PTCHD4: variants seen among roughly 807,000 people sequenced by gnomAD.
PTCHD4 encodes patched domain-containing protein 4.
A neutral mutation model predicts 58.1 loss-of-function variants in PTCHD4; 33 were observed. The observed-to-expected ratio is 0.57, with a 90% CI of 0.43 to 0.76. The LOEUF (loss-of-function observed/expected upper bound fraction) is 0.76, where lower values mean the gene tolerates loss of function less well. PTCHD4 is among the 30% of genes least tolerant of loss of function. The pLI is 0.00. For synonymous variants in PTCHD4, 478 were observed against 409.6 expected (o/e 1.17, Z -2.02); for missense variants, 1,058 against 1,027.1 (o/e 1.03, Z -0.41).
chr6:47,990,591 C>A (rs1340172646), intron 4 of PTCHD4, among the ~76,000 whole-genome samples: 4 of 152,078 alleles, frequency 2.6e-5, no homozygotes, highest in African/African-American at 9.7e-5. Context: ...CTCTTGCCAC[C>A]ACCATATAAG....
chr6:47,965,704 G>A (rs567229971), intron 4 of PTCHD4, among the ~76,000 whole-genome samples: 2 of 152,242 alleles, frequency 1.3e-5, no homozygotes, highest in East Asian at 1.9e-4. Flanking sequence ...CAAGGAGGGC[G>A]GATCACGAGG....
chr6:48,082,828 G>A (rs1371615072), intron 1 of PTCHD4, among the ~76,000 whole-genome samples: 2 of 151,786 alleles, frequency 1.3e-5, no homozygotes, highest in African/African-American at 2.4e-5. Flanking sequence ...TGTATATAAC[G>A]AATGGTATAC....
chr6:47,883,246 A>C (rs974456622), intron 4 of PTCHD4, among the ~76,000 whole-genome samples: 1 of 152,120 alleles, frequency 6.6e-6, no homozygotes, highest in Non-Finnish European at 1.5e-5. Context: ...TCACTTAAGT[A>C]ATTCTGAGAC....
rs1237551146 is a variant in PTCHD4 at position 47,868,211 on chromosome 6, C to T, written c.*10092G>A. ...TTACCTTTTTTTTTAAAAAAACACCCTTGTCCTTAATTTTTCTTTATGTTG... is the reference window on the plus strand; with the variant it reads ...TTACCTTTTTTTTTAAAAAAACACCTTTGTCCTTAATTTTTCTTTATGTTG... On this transcript the variant is annotated 3_prime_UTR_variant, in exon 5 of 5. Transcript: ENST00000339488. Among the ~76,000 whole-genome samples the T allele has an allele frequency of 6.6e-6, 1 of 151,430 alleles. No individual in the cohort carries two copies. The highest frequency in any genetic ancestry group is 2.0e-4 in the East Asian group (1 of 5,120).
chr6:48,079,161 T>C (rs1468214230), intron 1 of PTCHD4, among the ~76,000 whole-genome samples: 2 of 151,486 alleles, frequency 1.3e-5, no homozygotes, highest in African/African-American at 4.9e-5. Flanking sequence ...CCCAAAAGTG[T>C]ATGCTTACAT....
At chr6:48,058,416 G>A (rs1054205485) in intron 3 of PTCHD4, among the ~76,000 whole-genome samples, 2 of 152,192 alleles carry the variant, frequency 1.3e-5, no homozygotes, top group Admixed American at 6.5e-5. Context: ...TTGACTGAGT[G>A]GGGGAAACTT....
chr6:47,862,591 C>G lies in PTCHD4; in HGVS notation c.*15712G>C, dbSNP rs1347758113. On this transcript the variant is annotated 3_prime_UTR_variant, in exon 5 of 5. Coordinates refer to ENST00000339488, the MANE Select transcript of PTCHD4 (RefSeq NM_001384253.1). ...TTTCCATTTGCTTACTTCTCATTCC[C>G]TGAAATTGTACTGGGACAGAAGGGA... Among the ~76,000 whole-genome samples the G allele has an allele frequency of 2.6e-5, 4 of 151,612 alleles. No individual in the cohort carries two copies. Among genetic ancestry groups the G allele is most frequent in the African/African-American group, 9.7e-5 (4 of 41,332 alleles).
chr6:47,986,483 C>T (rs1052066592), intron 4 of PTCHD4, among the ~76,000 whole-genome samples: 9 of 152,236 alleles, frequency 5.9e-5, no homozygotes, highest in East Asian at 1.9e-4. Flanking sequence ...TATTCTCCAG[C>T]GTACAAATCC....
intron 4 of PTCHD4, among the ~76,000 whole-genome samples, chr6:47,937,641 GTACCT>G (rs1766052246): frequency 6.6e-6 from 1 of 152,170 alleles, no homozygotes; most frequent in African/African-American, 2.4e-5. Context: ...GGCTGGAGGT[GTACCT>G]TTGGAGTTGT....
intron 4 of PTCHD4, among the ~76,000 whole-genome samples, chr6:47,991,625 T>TA (rs561226972): frequency 2.0e-4 from 30 of 148,990 alleles, no homozygotes; most frequent in East Asian, 5.9e-4. Context: ...TAATGAAGTT[T>TA]AAAAAAAAAA....
At chr6:48,067,213 C>T (rs557965187) in intron 3 of PTCHD4, among the ~76,000 whole-genome samples, 1 of 152,308 alleles carries the variant, frequency 6.6e-6, no homozygotes, top group East Asian at 1.9e-4. Flanking sequence ...GCCTCATTGC[C>T]TGCAGCAGCT....
rs201038981 is a variant in PTCHD4 at position 47,864,331 on chromosome 6, T to C, written c.*13972A>G. 3.6e-3 allele frequency among the ~76,000 whole-genome samples: 399 copies of C among 111,908 alleles called. No homozygotes were observed. The highest frequency in any genetic ancestry group is 7.0e-3 in the African/African-American group (225 of 32,250). The allele number at this position is 111,908 out of a possible 152,430, so 73.4% of individuals were successfully genotyped here. A position where few individuals can be genotyped will look rare whatever the true frequency, so the allele number is the denominator to read the frequency against. On this transcript the variant is annotated 3_prime_UTR_variant, in exon 5 of 5. Coordinates refer to ENST00000339488, the MANE Select transcript of PTCHD4 (RefSeq NM_001384253.1). ...ATATATATATACACACACACACACATATATATATATGGCTATTTCACCTAC... is the reference window on the plus strand; with the variant it reads ...ATATATATATACACACACACACACACATATATATATGGCTATTTCACCTAC...
rs1763663156 is a variant in PTCHD4, at chr6:47,869,528, C to G, written c.*8775G>C. 6.6e-6 allele frequency among the ~76,000 whole-genome samples: 1 copy of G among 151,646 alleles called. No homozygotes were observed. The highest frequency in any genetic ancestry group is 1.5e-5 in the Non-Finnish European group (1 of 67,766). ...TTATTAAGGGGTGTTAAAGTGCTAT[C>G]TGAATCTTTTAGTAATGCTTTAGTA... On this transcript the variant is annotated 3_prime_UTR_variant, in exon 5 of 5. Transcript: ENST00000339488.
intron 4 of PTCHD4, among the ~76,000 whole-genome samples, chr6:47,972,570 C>T (rs968267859): frequency 2.0e-5 from 3 of 151,996 alleles, no homozygotes; most frequent in African/African-American, 7.2e-5. Flanking sequence ...TAAAGTTTAG[C>T]AAAGTCTTTT....
At chr6:48,046,877 G>A (rs1053921479) in intron 3 of PTCHD4, among the ~76,000 whole-genome samples, 2 of 151,874 alleles carry the variant, frequency 1.3e-5, no homozygotes, top group African/African-American at 4.8e-5. Context: ...TTATTAAGAA[G>A]CTATAAGTAG....
At chr6:48,108,538 C>A (rs1765795497) in intron 1 of PTCHD4, among the ~76,000 whole-genome samples, 1 of 151,910 alleles carries the variant, frequency 6.6e-6, no homozygotes, top group Non-Finnish European at 1.5e-5. Flanking sequence ...ACCAACATGG[C>A]ACATGTATAC....
chr6:47,903,978 T>C (rs770342615), intron 4 of PTCHD4, among the ~76,000 whole-genome samples: 3 of 152,036 alleles, frequency 2.0e-5, no homozygotes, highest in Admixed American at 6.6e-5. Flanking sequence ...ATATTCCTGA[T>C]AGAGAAAACC....
chr6:47,883,957 T>C (rs1012931031), intron 4 of PTCHD4, among the ~76,000 whole-genome samples: 3 of 152,182 alleles, frequency 2.0e-5, no homozygotes, highest in Non-Finnish European at 4.4e-5. Context: ...TACATTTCCA[T>C]GGAAAATTTG....
chr6:48,043,673 G>A (rs999081455), intron 3 of PTCHD4, among the ~76,000 whole-genome samples: 3 of 151,862 alleles, frequency 2.0e-5, no homozygotes, highest in Admixed American at 6.6e-5. Flanking sequence ...TTCTGACTAT[G>A]TACAATGTCT....
Sources: allele counts gnomAD v4.1 joint callset (sites outside exome capture counted in the v4.1 genomes callset), GRCh38; gene constraint gnomAD v4.1.1; transcripts MANE v1.5; gene names NCBI Gene and HGNC (gene_info 2026-07-23, HGNC 2026-07-21).